Variants in DNAH5 observed in about 807,000 individuals in gnomAD.
DNAH5 encodes axonemal beta dynein heavy chain 5.
Under a neutral mutation model 518.2 loss-of-function variants are expected in DNAH5, and 372 were observed. The observed-to-expected ratio is 0.72, with a 90% confidence interval of 0.66 to 0.78. The LOEUF is 0.78. Among genes scored for constraint, DNAH5 ranks in the 30% least tolerant of loss-of-function variants. The pLI is 0.00. For missense variants in DNAH5, 5,523 were observed against 5,687.0 expected (o/e 0.97, Z 0.93); for synonymous variants, 2,039 against 2,025.9 (o/e 1.01, Z -0.17).
At chr5:13,735,711 A>G (rs770444688) in intron 67 of DNAH5, 107 bp downstream of exon 67, 3 of 961,980 alleles carry the variant, frequency 3.1e-6, no homozygotes, top group Non-Finnish European at 5.1e-6. Flanking sequence ...GAGATTTAAA[A>G]AAGAAAAAGA....
At position 13,753,249 on chromosome 5, in the gene DNAH5, C is replaced by T; in HGVS notation, c.10856G>A (p.Ser3619Asn). Residue 3619 changes from serine (S) to asparagine (N), a missense_variant, in exon 63 of 79, where the codon AGC becomes AAC. Ser to Asn is a conservative substitution (Grantham distance 46). Transcript: ENST00000265104. ...ACAAATTACCTGGAGTTCATTTCGG[C>T]TTTCTTTATTTTTAATCCAGATCTT... is the stretch of plus-strand genomic sequence containing the variant. ...QGKIWIKNKE[S>N]RNELQITSLN... The T allele has an allele frequency of 6.2e-7, 1 of 1,613,748 alleles. No homozygotes were observed. Among genetic ancestry groups the T allele is most frequent in the Non-Finnish European group, 8.5e-7 (1 of 1,179,760 alleles).
At chr5:13,724,964 T>C (rs11950030) in intron 70 of DNAH5, among the ~76,000 whole-genome samples, 5 of 152,218 alleles carry the variant, frequency 3.3e-5, no homozygotes, top group Admixed American at 1.3e-4. Context: ...TATTTATTTA[T>C]AGCAACGCAC....
chr5:13,979,553 A>G (rs1258161269), intron 1 of DNAH5, among the ~76,000 whole-genome samples: 3 of 152,130 alleles, frequency 2.0e-5, no homozygotes, highest in Non-Finnish European at 4.4e-5. Context: ...TACCACCACC[A>G]GCCCCAGCAG....
rs754177491 is a variant in DNAH5 at position 13,717,302 on chromosome 5, T to G, written c.12705+13A>C. 2.5e-6 allele frequency: 4 copies of G among 1,612,004 alleles called. No homozygotes were observed. The highest frequency in any genetic ancestry group is 3.4e-6 in the Non-Finnish European group (4 of 1,179,116). On this transcript the variant is annotated intron_variant, in intron 73 of 78. Transcript: ENST00000265104. ...CAGCCACTAGAGGCATGAGGCAGCA[T>G]GCGCGGCAGTACCTTTTTGACATCC... is the stretch of plus-strand genomic sequence containing the variant.
rs1310034189 is a variant in DNAH5, at chr5:13,891,190, CTT to C, written c.2432-71_2432-70del. 3 of 1,521,634 alleles carry C rather than the reference CTT, an allele frequency of 2.0e-6. No individual in the cohort carries two copies. In the East Asian group the frequency reaches 6.8e-5, roughly 34 times the overall value. The allele number at this position is 1,521,634 out of a possible 1,614,324, so 94.3% of individuals were successfully genotyped here. ...ATTTTGTTTTTTAAAAAAATCAACA[CTT>C]GATTAAATGACAGTAGTAAAATCAG... On this transcript the variant is annotated intron_variant, in intron 16 of 78. Transcript: ENST00000265104.
At chr5:13,692,889 G>C (rs896437709) in intron 78 of DNAH5, among the ~76,000 whole-genome samples, 1 of 152,204 alleles carries the variant, frequency 6.6e-6, no homozygotes, top group African/African-American at 2.4e-5. Flanking sequence ...GTCCAGGTCT[G>C]TGGGGACTTA....
intron 44 of DNAH5, among the ~76,000 whole-genome samples, chr5:13,810,829 C>G (rs779562044): frequency 3.3e-5 from 5 of 151,848 alleles, no homozygotes; most frequent in Non-Finnish European, 5.9e-5. Context: ...TGGAGACAAC[C>G]TAAGTGTCCA....
intron 53 of DNAH5, among the ~76,000 whole-genome samples, chr5:13,778,527 G>A (rs1179812798): frequency 1.6e-5 from 2 of 125,018 alleles, no homozygotes; most frequent in Admixed American, 8.4e-5. Context: ...GAGAGAAAGT[G>A]AGAGAGAGAG....
chr5:13,762,998 A>G (rs766637571), intron 59 of DNAH5, 97 bp from the exon 60 acceptor site: 6 of 1,031,244 alleles, frequency 5.8e-6, no homozygotes, highest in Non-Finnish European at 8.9e-6. Context: ...CTGAACGACC[A>G]CAAATGAATG....
At chr5:13,772,132 C>A (rs778586733) in intron 55 of DNAH5, among the ~76,000 whole-genome samples, 1 of 152,096 alleles carries the variant, frequency 6.6e-6, no homozygotes, top group Admixed American at 6.5e-5. Context: ...AACCATAGAA[C>A]AATTCATACT....
chr5:13,827,801 T>C (rs1763087764), intron 38 of DNAH5, among the ~76,000 whole-genome samples: 1 of 152,018 alleles, frequency 6.6e-6, no homozygotes, highest in Admixed American at 6.5e-5. Context: ...GGTAATTTAA[T>C]CATAGGGGCA....
At chr5:13,789,544 A>G (rs1445100959) in intron 50 of DNAH5, among the ~76,000 whole-genome samples, 3 of 152,222 alleles carry the variant, frequency 2.0e-5, no homozygotes, top group Non-Finnish European at 4.4e-5. Context: ...AGACTGGTGG[A>G]AATTTCTTAG....
At chr5:13,703,955 C>T (rs1372312263) in intron 76 of DNAH5, among the ~76,000 whole-genome samples, 1 of 152,182 alleles carries the variant, frequency 6.6e-6, no homozygotes, top group African/African-American at 2.4e-5. Context: ...ACCTGGGGTG[C>T]CTTGTCCATC....
intron 1 of DNAH5, among the ~76,000 whole-genome samples, chr5:13,956,029 T>C (rs1258721706): frequency 3.3e-5 from 5 of 152,176 alleles, no homozygotes; most frequent in African/African-American, 4.8e-5. Flanking sequence ...CTGTCCACGC[T>C]CACCAGTGGG....
At chr5:13,977,901 A>C (rs1158870352) in intron 1 of DNAH5, among the ~76,000 whole-genome samples, 1 of 152,048 alleles carries the variant, frequency 6.6e-6, no homozygotes, top group African/African-American at 2.4e-5. Context: ...ACAGGGGAGA[A>C]TCATGAGAGG....
chr5:13,759,554 G>GT (rs1751498612), intron 60 of DNAH5, among the ~76,000 whole-genome samples: 2 of 152,324 alleles, frequency 1.3e-5, no homozygotes, highest in East Asian at 3.9e-4. Flanking sequence ...TACGTTTTGT[G>GT]TATCGTGGTG....
rs536940845 is a variant in DNAH5 at position 14,006,353 on chromosome 5, G to A, written c.12+5295C>T. Among the ~76,000 whole-genome samples, 97 of 152,272 alleles carry A rather than the reference G, an allele frequency of 6.4e-4. 3 individuals are homozygous for A. In the South Asian group the frequency reaches 0.018, roughly 29 times the overall value. On this transcript the variant is annotated intron_variant, in intron 1 of 78. Coordinates refer to the DNAH5 transcript ENST00000681290. ...AGCATGGCAGTCAGCTCAGGATGCCGTCACCAAATCCCACAGACTTGGTGC... is the reference window on the plus strand; with the variant it reads ...AGCATGGCAGTCAGCTCAGGATGCCATCACCAAATCCCACAGACTTGGTGC...
intron 1 of DNAH5, among the ~76,000 whole-genome samples, chr5:13,995,602 T>C (rs1783880508): frequency 6.6e-6 from 1 of 152,160 alleles, no homozygotes; most frequent in African/African-American, 2.4e-5. Context: ...ATTACAACTT[T>C]TTTTAAACTG....
chr5:13,764,384 A>G (rs1752219717), intron 59 of DNAH5, among the ~76,000 whole-genome samples: 1 of 152,222 alleles, frequency 6.6e-6, no homozygotes, highest in Admixed American at 6.5e-5. Context: ...CATATTTTAC[A>G]TATAAGGAAA....
Sources: allele counts gnomAD v4.1 joint callset (sites outside exome capture counted in the v4.1 genomes callset), GRCh38; gene constraint gnomAD v4.1.1; transcripts MANE v1.5; gene names NCBI Gene and HGNC (gene_info 2026-07-23, HGNC 2026-07-21).